Variants in PCDH15 observed in about 807,000 individuals in gnomAD.
The protein encoded by PCDH15 is protocadherin related 15, also known as protocadherin-15.
Under a neutral mutation model 178.5 loss-of-function variants are expected in PCDH15, and 129 were observed. The ratio of observed to expected loss-of-function variants is 0.72; its 90% CI spans 0.63 to 0.84. The LOEUF (loss-of-function observed/expected upper bound fraction) is 0.84, where lower values mean the gene tolerates loss of function less well. Among genes scored for constraint, PCDH15 ranks in the 40% least tolerant of loss-of-function variants. The pLI, the probability that PCDH15 is intolerant of heterozygous loss-of-function variation, is 0.00. For synonymous variants in PCDH15, 800 were observed against 732.0 expected, an observed-to-expected ratio of 1.09 and a Z score of -1.50; for missense variants, 2,230 against 2,099.9, an observed-to-expected ratio of 1.06 and a Z score of -1.21.
At chr10:54,054,896 C>T (rs938550017) in intron 18 of PCDH15, among the ~76,000 whole-genome samples, 2 of 152,078 alleles carry the variant, frequency 1.3e-5, no homozygotes, top group African/African-American at 2.4e-5. Flanking sequence ...TAAAATTCCC[C>T]ACTTGCAGCC....
chr10:54,121,546 TG>T (rs1396947475), intron 15 of PCDH15, among the ~76,000 whole-genome samples: 1 of 152,048 alleles, frequency 6.6e-6, no homozygotes, highest in Admixed American at 6.6e-5. Context: ...ATCAATAGAC[TG>T]TTAGTTAGAT....
intron 2 of PCDH15, among the ~76,000 whole-genome samples, chr10:54,908,312 C>T (rs750491092): frequency 6.6e-6 from 1 of 152,194 alleles, no homozygotes; most frequent in Non-Finnish European, 1.5e-5. Context: ...GGCACAGTCA[C>T]CAGCTCCCTG....
intron 20 of PCDH15, among the ~76,000 whole-genome samples, chr10:53,995,997 C>T (rs2091826009): frequency 6.6e-6 from 1 of 152,126 alleles, no homozygotes. Flanking sequence ...GGAATAAAGT[C>T]TTTCACCCTC....
intron 2 of PCDH15, among the ~76,000 whole-genome samples, chr10:54,569,692 A>T (rs1937419): frequency 2.8e-4 from 42 of 152,172 alleles, no homozygotes; most frequent in Admixed American, 7.2e-4. Context: ...GTTATATCTG[A>T]CTGGAAATTA....
intron 14 of PCDH15, among the ~76,000 whole-genome samples, chr10:54,135,196 C>T (rs2042803078): frequency 7.5e-6 from 1 of 133,484 alleles, no homozygotes; most frequent in African/African-American, 3.3e-5. Flanking sequence ...GGGCGAGACT[C>T]TGTCTCAAAA....
At chr10:54,647,292 G>A (rs924626513) in intron 2 of PCDH15, among the ~76,000 whole-genome samples, 6 of 152,042 alleles carry the variant, frequency 3.9e-5, no homozygotes, top group Non-Finnish European at 7.4e-5. Flanking sequence ...AGTATCTAAA[G>A]TAGTGAAACT....
intron 2 of PCDH15, among the ~76,000 whole-genome samples, chr10:55,476,174 T>G (rs1007184070): frequency 2.0e-4 from 30 of 152,060 alleles, no homozygotes; most frequent in African/African-American, 7.2e-4. Flanking sequence ...TTGATTGCTA[T>G]GGAATATGCT....
At chr10:55,366,488 G>A (rs73255748) in intron 2 of PCDH15, among the ~76,000 whole-genome samples, 8,652 of 152,106 alleles carry the variant, frequency 0.057, 552 homozygotes, top group African/African-American at 0.16. Flanking sequence ...TCTAGATTAT[G>A]AGAGAAATTA....
intron 2 of PCDH15, among the ~76,000 whole-genome samples, chr10:54,659,010 T>C (rs2094450694): frequency 6.6e-6 from 1 of 151,802 alleles, no homozygotes; most frequent in African/African-American, 2.4e-5. Context: ...ATGAAACAGA[T>C]ATTAAATCAA....
At chr10:54,136,647 A>G (rs2042929885) in intron 14 of PCDH15, among the ~76,000 whole-genome samples, 2 of 152,168 alleles carry the variant, frequency 1.3e-5, no homozygotes, top group South Asian at 4.1e-4. Context: ...GGTTAAAGTG[A>G]GACAATGCTA....
chr10:54,454,641 A>G (rs574818104), intron 3 of PCDH15, among the ~76,000 whole-genome samples: 22 of 152,162 alleles, frequency 1.4e-4, no homozygotes, highest in African/African-American at 4.1e-4. Flanking sequence ...CTATAATTAC[A>G]CGGGTAAAAA....
intron 2 of PCDH15, among the ~76,000 whole-genome samples, chr10:54,993,879 T>C (rs1472680202): frequency 6.6e-6 from 1 of 152,152 alleles, no homozygotes; most frequent in Non-Finnish European, 1.5e-5. Context: ...TCCAACAAAT[T>C]AAAAAGTCAG....
chr10:55,462,524 T>C lies in PCDH15; in HGVS notation c.-156+165101A>G, dbSNP rs137916229. Reference sequence around the variant, plus strand: ...TGTTTCCATTGTTGCTTTAAAGCATTCATAGTTATGTTCATTAGTAAAATT... The same window carrying C: ...TGTTTCCATTGTTGCTTTAAAGCATCCATAGTTATGTTCATTAGTAAAATT... On this transcript the variant is annotated intron_variant, in intron 2 of 5. Coordinates refer to the PCDH15 transcript ENST00000613346. 3.4e-3 allele frequency among the ~76,000 whole-genome samples: 514 copies of C among 152,288 alleles called. 3 individuals carry two copies. The highest frequency in any genetic ancestry group is 5.5e-3 in the Non-Finnish European group (377 of 68,008).
At chr10:54,106,290 T>C (rs2094916734) in intron 15 of PCDH15, among the ~76,000 whole-genome samples, 1 of 152,242 alleles carries the variant, frequency 6.6e-6, no homozygotes, top group African/African-American at 2.4e-5. Context: ...TATCTTAATA[T>C]AGCTGCTAAT....
chr10:53,957,752 G>C (rs2087774613), intron 23 of PCDH15, among the ~76,000 whole-genome samples: 1 of 152,036 alleles, frequency 6.6e-6, no homozygotes, highest in African/African-American at 2.4e-5. Context: ...CTGTGGATAA[G>C]GAGGGGACTA....
At chr10:54,253,997 G>A (rs571411936) in intron 8 of PCDH15, among the ~76,000 whole-genome samples, 1 of 152,078 alleles carries the variant, frequency 6.6e-6, no homozygotes, top group Admixed American at 6.6e-5. Flanking sequence ...TACACTAGCA[G>A]TAATTATATT....
chr10:53,914,004 C>T (rs563385692), intron 25 of PCDH15, among the ~76,000 whole-genome samples: 72 of 152,180 alleles, frequency 4.7e-4, no homozygotes, highest in African/African-American at 1.7e-3. Context: ...CCAACAGACA[C>T]ATGAAAAAAG....
intron 1 of PCDH15, among the ~76,000 whole-genome samples, chr10:54,742,175 C>G (rs1944896923): frequency 6.6e-6 from 1 of 152,046 alleles, no homozygotes; most frequent in South Asian, 2.1e-4. Flanking sequence ...CAGAAAACAT[C>G]TAACATGTCA....
At chr10:55,588,760 T>C (rs1589159559) in intron 2 of PCDH15, among the ~76,000 whole-genome samples, 1 of 152,078 alleles carries the variant, frequency 6.6e-6, no homozygotes, top group East Asian at 1.9e-4. Context: ...AAAATTTTGC[T>C]CTAGCAACAC....
Sources: gnomAD v4.1 joint callset for allele counts (sites outside exome capture counted in the v4.1 genomes callset) on GRCh38, gnomAD v4.1.1 for gene constraint, MANE v1.5 for transcripts, NCBI Gene and HGNC (gene_info 2026-07-23, HGNC 2026-07-21) for gene names.